Variants in PSEN2 observed in about 807,000 individuals in gnomAD.
PSEN2 encodes presenilin 2.
In PSEN2, 32 loss-of-function variants were observed where a neutral mutation model predicts 49.1. The ratio of observed to expected loss-of-function variants is 0.65; its 90% confidence interval spans 0.49 to 0.88. The LOEUF (loss-of-function observed/expected upper bound fraction) is 0.88. Ranked by LOEUF, PSEN2 falls within the 40% of genes least tolerant of loss-of-function variation. The probability of loss-of-function intolerance (pLI) is 0.00; values close to 1 mark genes in which losing one functional copy is unlikely to be tolerated. For missense variants in PSEN2, 522 were observed against 586.9 expected (o/e 0.89, Z 1.14); for synonymous variants, 255 against 244.0 (o/e 1.05, Z -0.42).
downstream of PSEN2, among the ~76,000 whole-genome samples, chr1:226,896,401 TG>T (rs1191962107): frequency 6.6e-6 from 1 of 152,190 alleles, no homozygotes; most frequent in Non-Finnish European, 1.5e-5. Flanking sequence ...AAACATCCAG[TG>T]GTTCCTTCAG....
chr1:226,889,910 G>T, intron 8 of PSEN2, 125 bp from the exon 9 acceptor site: 1 of 781,356 alleles, frequency 1.3e-6, no homozygotes, highest in East Asian at 2.6e-5. Context: ...ATGAGAATTT[G>T]GGATGCCAGC....
At position 226,891,815 on chromosome 1, in the gene PSEN2, C is replaced by G; in HGVS notation, c.1043C>G (p.Pro348Arg). 1.2e-6 allele frequency: 2 copies of G among 1,614,146 alleles called. No individual in the cohort carries two copies. Among genetic ancestry groups the G allele is most frequent in the Non-Finnish European group, 8.5e-7 (1 of 1,179,998 alleles). Residue 348 changes from proline to arginine, a missense_variant, in exon 11 of 13, where the codon CCA (proline) becomes CGA (arginine). Transcript: ENST00000366783. ...TTTGAGCCTCCCTTGACTGGCTACC[C>G]AGGGGAGGAGCTGGAGGAAGAGGAG... ...EVFEPPLTGY[P>R]GEELEEEEER...
At position 226,890,078 on chromosome 1, in the gene PSEN2, G is replaced by T; in HGVS notation, c.831G>T (p.Leu277=). The change falls in exon 9 of 13, where the codon CTG becomes CTT. Residue 277 remains leucine, a synonymous_variant. Transcript: ENST00000366783. ...GTCCCAAAGGGCCTCTGAGAATGCT[G>T]GTAGAAACTGCCCAGGAGAGAAATG... ...VLCPKGPLRM[L]VETAQERNEP... 1 of 1,614,094 alleles carries T rather than the reference G, an allele frequency of 6.2e-7. No homozygotes were observed. The highest frequency in any genetic ancestry group is 8.5e-7 in the Non-Finnish European group (1 of 1,179,942).
intron 3 of PSEN2, among the ~76,000 whole-genome samples, chr1:226,879,524 C>CA (rs1660845944): frequency 6.6e-6 from 1 of 152,210 alleles, no homozygotes; most frequent in Non-Finnish European, 1.5e-5. Context: ...CATGGCCCAT[C>CA]CTACCAGGTC....
intron 12 of PSEN2, among the ~76,000 whole-genome samples, chr1:226,894,553 C>A (rs1463680887): frequency 6.6e-6 from 1 of 152,242 alleles, no homozygotes; most frequent in Non-Finnish European, 1.5e-5. Context: ...GCCATTGGGA[C>A]ACCACAGGGT....
downstream of PSEN2, chr1:226,899,049 A>G (rs1333959488): frequency 6.6e-6 from 1 of 152,170 alleles, no homozygotes; most frequent in Admixed American, 6.5e-5. Flanking sequence ...ATGCATTGCA[A>G]ATGTCTGGTA....
At chr1:226,884,745 CTG>C (rs1313885434) in intron 5 of PSEN2, 1 of 151,776 alleles carries the variant, frequency 6.6e-6, no homozygotes, top group Non-Finnish European at 1.5e-5. Context: ...GAGACCCTGT[CTG>C]TACAAAAAAT....
intron 2 of PSEN2, among the ~76,000 whole-genome samples, chr1:226,872,153 G>C (rs898584781): frequency 3.3e-5 from 5 of 152,198 alleles, no homozygotes; most frequent in Non-Finnish European, 5.9e-5. Flanking sequence ...CTGCTGGGGT[G>C]CCTGGAGCTG....
intron 9 of PSEN2, chr1:226,890,565 G>A (rs980334395): frequency 1.2e-4 from 33 of 283,098 alleles, no homozygotes; most frequent in African/African-American, 6.3e-4. Context: ...GAAGGCACAC[G>A]GGATGGCCCC....
At chr1:226,883,314 C>G (rs762455547) in intron 4 of PSEN2, among the ~76,000 whole-genome samples, 10 of 152,208 alleles carry the variant, frequency 6.6e-5, no homozygotes, top group Non-Finnish European at 1.3e-4. Context: ...AGTGATTTGT[C>G]AGCCAAAAAT....
chr1:226,894,865 C>T (rs1013130911), intron 12 of PSEN2, among the ~76,000 whole-genome samples: 1 of 152,186 alleles, frequency 6.6e-6, no homozygotes, highest in African/African-American at 2.4e-5. Context: ...GGCTCCTCCA[C>T]CACCAGACTG....
chr1:226,891,622 C>G (rs1661755200), intron 10 of PSEN2, 121 bp from the exon 11 acceptor site: 6 of 957,242 alleles, frequency 6.3e-6, no homozygotes. Flanking sequence ...GGTGCTGGTG[C>G]TCAGGGGGAC....
In PSEN2 at chr1:226,891,265, TCTC is replaced by T. The variant is rs1280087837; in HGVS notation, c.887-8_887-6del. On this transcript the variant is annotated splice_polypyrimidine_tract_variant and intron_variant, in intron 9 of 12. Coordinates refer to ENST00000366783, the MANE Select transcript of PSEN2 (RefSeq NM_000447.3). ...AGCACCGCCTGAGATGTGAACCTTT[TCTC>T]CTCCCCCAGCTGCCATGGTGTGGAC... 1 of 1,612,822 alleles carries T rather than the reference TCTC, an allele frequency of 6.2e-7. No homozygotes were observed. The highest frequency in any genetic ancestry group is 1.3e-5 in the African/African-American group (1 of 74,946).
chr1:226,875,755 CATA>C (rs1209295416), intron 3 of PSEN2, among the ~76,000 whole-genome samples: 4 of 152,116 alleles, frequency 2.6e-5, no homozygotes, highest in Non-Finnish European at 5.9e-5. Flanking sequence ...ATTGGGTTTC[CATA>C]ATGATTGCAG....
chr1:226,877,221 C>T (rs567428287), intron 3 of PSEN2, among the ~76,000 whole-genome samples: 1 of 152,256 alleles, frequency 6.6e-6, no homozygotes, highest in East Asian at 1.9e-4. Flanking sequence ...CCAACCATCC[C>T]GAATGCGGAT....
Position 226,886,040 on chromosome 1 carries a change from A to AT in PSEN2, c.498+370dup, listed in dbSNP as rs968024655. Among the ~76,000 whole-genome samples the AT allele has an allele frequency of 4.8e-5, 7 of 146,614 alleles. No homozygotes were observed. In the East Asian group the frequency reaches 1.2e-3, roughly 25 times the overall value. ...ACCACCATACCTGGCTAATTAAAAA[A>AT]TTTTTTTTTGTGCAGGCTAGATCTC... On this transcript the variant is annotated intron_variant, in intron 6 of 12. Transcript: ENST00000366783.
In PSEN2 at chr1:226,885,617, A is replaced by T. The variant is rs1004970794; in HGVS notation, c.436A>T (p.Ile146Phe). Reference sequence around the variant, plus strand: ...CTCCGTGCTGAACACCCTCATCATGATCAGCGTCATCGTGGTTATGACCAT... The same window carrying T: ...CTCCGTGCTGAACACCCTCATCATGTTCAGCGTCATCGTGGTTATGACCAT... ...LNSVLNTLIM[I>F]SVIVVMTIFL... The change falls in exon 6 of 13, where the codon ATC becomes TTC. Residue 146 changes from isoleucine to phenylalanine, a missense_variant. Physicochemically the swap from Ile to Phe is conservative, Grantham distance 21 (BLOSUM62 0). Transcript: ENST00000366783. 9 of 1,613,210 alleles carry T rather than the reference A, an allele frequency of 5.6e-6. No individual in the cohort carries two copies. In the Admixed American group the frequency reaches 1.3e-4, roughly 24 times the overall value.
At chr1:226,874,813 A>G (rs1318733572) in intron 2 of PSEN2, among the ~76,000 whole-genome samples, 1 of 152,210 alleles carries the variant, frequency 6.6e-6, no homozygotes, top group East Asian at 1.9e-4. Flanking sequence ...CCTCTTGGCC[A>G]GGGAGTATGT....
intron 9 of PSEN2, chr1:226,890,879 G>A (rs748585502): frequency 9.2e-5 from 23 of 250,066 alleles, no homozygotes; most frequent in Admixed American, 2.5e-4. Flanking sequence ...ATTCGAGCCC[G>A]TAGAGGAGAA....
Sources: gnomAD v4.1 joint callset for allele counts (sites outside exome capture counted in the v4.1 genomes callset) on GRCh38, gnomAD v4.1.1 for gene constraint, MANE v1.5 for transcripts, NCBI Gene and HGNC (gene_info 2026-07-23, HGNC 2026-07-21) for gene names.